Variants in ZSWIM6 observed in about 807,000 individuals in gnomAD.
ZSWIM6 encodes the protein zinc finger SWIM domain-containing protein 6.
In ZSWIM6, 9 loss-of-function variants were observed where a neutral mutation model predicts 113.2. That is an observed-to-expected ratio of 0.08 (90% CI 0.05 to 0.14). ZSWIM6 has a LOEUF of 0.14. Ranked by LOEUF, ZSWIM6 falls within the 10% of genes least tolerant of loss-of-function variation. The pLI is 1.00. For missense variants in ZSWIM6, 1,162 were observed against 1,552.2 expected (o/e 0.75, Z 4.22); for synonymous variants, 611 against 606.5 (o/e 1.01, Z -0.11).
At chr5:61,422,690 T>C (rs942668268) in intron 1 of ZSWIM6, among the ~76,000 whole-genome samples, 4 of 152,220 alleles carry the variant, frequency 2.6e-5, no homozygotes, top group Admixed American at 2.6e-4. Context: ...ATTCTTCTAA[T>C]CCATGAACAT....
Position 61,473,211 on chromosome 5 carries a change from G to A in ZSWIM6, c.1033+174G>A, listed in dbSNP as rs540127529. ...TAAAACATTTCTTTTGAAGTGTTTCGTGTTAGGTACCAAGGCTTTTGTGCT... is the reference window on the plus strand; with the variant it reads ...TAAAACATTTCTTTTGAAGTGTTTCATGTTAGGTACCAAGGCTTTTGTGCT... On this transcript the variant is annotated intron_variant, in intron 2 of 13. Transcript: ENST00000252744. Among the ~76,000 whole-genome samples, 4 of 152,178 alleles carry A rather than the reference G, an allele frequency of 2.6e-5. No individual in the cohort carries two copies. In the East Asian group the frequency reaches 5.8e-4, roughly 22 times the overall value.
chr5:61,430,732 A>T (rs1746563815), intron 1 of ZSWIM6, among the ~76,000 whole-genome samples: 1 of 152,210 alleles, frequency 6.6e-6, no homozygotes, highest in Admixed American at 6.5e-5. Context: ...TACATCTGTA[A>T]AACATAGCTA....
intron 1 of ZSWIM6, among the ~76,000 whole-genome samples, chr5:61,468,943 T>G (rs1747501221): frequency 6.6e-6 from 1 of 152,248 alleles, no homozygotes; most frequent in African/African-American, 2.4e-5. Context: ...TATAATTTTC[T>G]GTATTTAAGG....
chr5:61,526,810 C>T (rs549361689), intron 7 of ZSWIM6, among the ~76,000 whole-genome samples: 3 of 152,144 alleles, frequency 2.0e-5, no homozygotes, highest in Non-Finnish European at 4.4e-5. Flanking sequence ...AATCAGTTGA[C>T]GTCTCTGTGA....
intron 1 of ZSWIM6, among the ~76,000 whole-genome samples, chr5:61,389,473 T>C (rs1490124407): frequency 1.3e-5 from 2 of 149,316 alleles, no homozygotes; most frequent in South Asian, 4.2e-4. Context: ...GAGAATTGCT[T>C]TAACCTGGGA....
chr5:61,499,896 A>C (rs1023024894), intron 4 of ZSWIM6, among the ~76,000 whole-genome samples: 1 of 152,176 alleles, frequency 6.6e-6, no homozygotes, highest in Non-Finnish European at 1.5e-5. Flanking sequence ...TGTGCTAAGC[A>C]CTTAATGCAT....
intron 1 of ZSWIM6, among the ~76,000 whole-genome samples, chr5:61,363,035 G>A (rs1257962474): frequency 6.6e-6 from 1 of 152,192 alleles, no homozygotes; most frequent in African/African-American, 2.4e-5. Context: ...ACCTCTTAGT[G>A]GTTCAGGAAC....
intron 7 of ZSWIM6, among the ~76,000 whole-genome samples, chr5:61,528,610 T>A (rs1340006571): frequency 6.6e-6 from 1 of 150,924 alleles, no homozygotes; most frequent in Non-Finnish European, 1.5e-5. Context: ...TTTTTTGACA[T>A]GGAGTCTCGC....
intron 5 of ZSWIM6, 51 bp from the exon 6 acceptor site, chr5:61,525,749 T>G (rs1054705033): frequency 5.8e-5 from 89 of 1,544,070 alleles, no homozygotes; most frequent in Non-Finnish European, 7.4e-5. Flanking sequence ...GACTGATTTA[T>G]TCACATGTGA....
intron 4 of ZSWIM6, among the ~76,000 whole-genome samples, chr5:61,506,285 T>C (rs1748615711): frequency 6.6e-6 from 1 of 152,122 alleles, no homozygotes. Flanking sequence ...TTTTCCCCAG[T>C]TAAAAGTTAT....
At chr5:61,357,458 A>G (rs1020428911) in intron 1 of ZSWIM6, among the ~76,000 whole-genome samples, 1 of 151,976 alleles carries the variant, frequency 6.6e-6, no homozygotes, top group African/African-American at 2.4e-5. Flanking sequence ...ATTGCTGGAA[A>G]CACTACCTAA....
intron 1 of ZSWIM6, among the ~76,000 whole-genome samples, chr5:61,338,948 C>G (rs1009581021): frequency 6.6e-6 from 1 of 152,092 alleles, no homozygotes; most frequent in Admixed American, 6.6e-5. Flanking sequence ...CATTATTGTT[C>G]TAAGTATGTC....
At chr5:61,400,940 G>C (rs991588741) in intron 1 of ZSWIM6, among the ~76,000 whole-genome samples, 3 of 152,050 alleles carry the variant, frequency 2.0e-5, no homozygotes, top group Non-Finnish European at 4.4e-5. Flanking sequence ...TTTTATTCTT[G>C]GTTAGATGTA....
intron 2 of ZSWIM6, among the ~76,000 whole-genome samples, chr5:61,478,167 C>T (rs1401100517): frequency 6.6e-6 from 1 of 152,078 alleles, no homozygotes; most frequent in Non-Finnish European, 1.5e-5. Context: ...GTAGGGTCTC[C>T]TGATGGTCTA....
intron 1 of ZSWIM6, 104 bp downstream of exon 1, chr5:61,333,052 C>G: frequency 9.6e-7 from 1 of 1,038,104 alleles, no homozygotes; most frequent in South Asian, 4.0e-5. Context: ...TCCGCGCGCG[C>G]CCGCACCCCT....
intron 2 of ZSWIM6, among the ~76,000 whole-genome samples, chr5:61,486,266 G>A (rs1334472119): frequency 6.6e-6 from 1 of 152,064 alleles, no homozygotes; most frequent in Non-Finnish European, 1.5e-5. Flanking sequence ...TTCCATCTAT[G>A]GTGCTGCATG....
intron 2 of ZSWIM6, among the ~76,000 whole-genome samples, chr5:61,488,725 C>T (rs767216088): frequency 6.6e-6 from 1 of 151,744 alleles, no homozygotes; most frequent in Non-Finnish European, 1.5e-5. Flanking sequence ...CTATCTAGCA[C>T]AAACATCATT....
intron 1 of ZSWIM6, 142 bp downstream of exon 1, chr5:61,333,090 C>G (rs1744301950): frequency 1.1e-6 from 1 of 939,416 alleles, no homozygotes; most frequent in Non-Finnish European, 1.3e-6. Flanking sequence ...CCCGGACGGT[C>G]CTCCTGAGCG....
chr5:61,518,044 T>C (rs1317936907), intron 4 of ZSWIM6, among the ~76,000 whole-genome samples: 4 of 150,294 alleles, frequency 2.7e-5, no homozygotes, highest in African/African-American at 7.4e-5. Flanking sequence ...CAGTGTTTGA[T>C]TTTTTGTTCT....
Sources: gnomAD v4.1 joint callset for allele counts (sites outside exome capture counted in the v4.1 genomes callset) on GRCh38, gnomAD v4.1.1 for gene constraint, MANE v1.5 for transcripts, NCBI Gene and HGNC (gene_info 2026-07-23, HGNC 2026-07-21) for gene names.